ABLIM1: variants seen among roughly 807,000 people sequenced by gnomAD.
ABLIM1 encodes actin binding LIM protein 1, also known as actin-binding LIM protein 1.
Under a neutral mutation model 107.0 loss-of-function variants are expected in ABLIM1, and 40 were observed. The observed-to-expected ratio is 0.37, with a 90% CI of 0.29 to 0.49. The LOEUF is 0.49. Ranked by LOEUF, ABLIM1 falls within the 20% of genes least tolerant of loss-of-function variation. The pLI, the probability that ABLIM1 is intolerant of heterozygous loss-of-function variation, is 0.97. For missense variants in ABLIM1, 857 were observed against 1,008.5 expected, an observed-to-expected ratio of 0.85 and a Z score of 2.04; for synonymous variants, 357 against 357.3, an observed-to-expected ratio of 1.00 and a Z score of 0.01.
intron 7 of ABLIM1, among the ~76,000 whole-genome samples, chr10:114,488,647 T>G (rs1295052958): frequency 6.6e-6 from 1 of 152,204 alleles, no homozygotes; most frequent in African/African-American, 2.4e-5. Flanking sequence ...AAGTAACTAT[T>G]TAGGTGTTAT....
At chr10:114,476,187 G>A (rs2056364018) in intron 8 of ABLIM1, among the ~76,000 whole-genome samples, 1 of 152,200 alleles carries the variant, frequency 6.6e-6, no homozygotes, top group African/African-American at 2.4e-5. Flanking sequence ...CCACACCCAG[G>A]TGGAGGTGCA....
intron 1 of ABLIM1, among the ~76,000 whole-genome samples, chr10:114,650,065 C>T (rs2079175873): frequency 6.6e-6 from 1 of 152,122 alleles, no homozygotes; most frequent in Non-Finnish European, 1.5e-5. Flanking sequence ...CTATGTTGGC[C>T]AGGCTGGTCT....
chr10:114,717,460 G>T (rs74158043), intron 1 of ABLIM1, among the ~76,000 whole-genome samples: 8,132 of 152,144 alleles, frequency 0.053, 336 homozygotes, highest in African/African-American at 0.11. Context: ...GTGCTATCAT[G>T]CACATTGTAG....
intron 1 of ABLIM1, among the ~76,000 whole-genome samples, chr10:114,620,098 G>A (rs1566114940): frequency 6.6e-6 from 1 of 152,186 alleles, no homozygotes; most frequent in Non-Finnish European, 1.5e-5. Flanking sequence ...TAATTAGTTA[G>A]TGTAGAGGGT....
intron 1 of ABLIM1, among the ~76,000 whole-genome samples, chr10:114,712,340 G>A (rs808252): frequency 0.062 from 7,524 of 121,844 alleles, 274 homozygotes; most frequent in Middle Eastern, 0.1. Context: ...GTGACAGAGC[G>A]AGACTCCGTC....
chr10:114,659,247 G>A (rs776388643), upstream of ABLIM1, among the ~76,000 whole-genome samples: 23 of 151,868 alleles, frequency 1.5e-4, no homozygotes, highest in African/African-American at 2.2e-4. Context: ...GGTTGCTCAC[G>A]TCTGTAATCC....
At chr10:114,469,594 G>A (rs141036701) in intron 10 of ABLIM1, among the ~76,000 whole-genome samples, 144 of 152,324 alleles carry the variant, frequency 9.5e-4, no homozygotes, top group African/African-American at 3.2e-3. Flanking sequence ...CCCCTGGTAC[G>A]CTTTCTCTTT....
chr10:114,760,443 CACACACACACTG>C (rs2082722156), intron 1 of ABLIM1, among the ~76,000 whole-genome samples: 1 of 131,350 alleles, frequency 7.6e-6, no homozygotes, highest in African/African-American at 3.0e-5. Context: ...CACACACACA[CACACACACACTG>C]ACTTAGTGCT....
At chr10:114,652,678 A>G (rs2079306495) in intron 1 of ABLIM1, among the ~76,000 whole-genome samples, 1 of 152,248 alleles carries the variant, frequency 6.6e-6, no homozygotes, top group Non-Finnish European at 1.5e-5. Context: ...ATAATCACTG[A>G]ATCCTCTCCA....
intron 1 of ABLIM1, among the ~76,000 whole-genome samples, chr10:114,665,211 C>T (rs1481603825): frequency 6.6e-6 from 1 of 152,144 alleles, no homozygotes; most frequent in Non-Finnish European, 1.5e-5. Context: ...CCAATGATGA[C>T]ATGCACACAC....
intron 4 of ABLIM1, among the ~76,000 whole-genome samples, chr10:114,556,042 GT>G (rs1310852909): frequency 6.6e-6 from 1 of 151,870 alleles, no homozygotes; most frequent in African/African-American, 2.4e-5. Context: ...ACAGTACTTT[GT>G]CCCTGGCCAG....
intron 1 of ABLIM1, among the ~76,000 whole-genome samples, chr10:114,606,162 A>T (rs1400715248): frequency 6.6e-6 from 1 of 152,200 alleles, no homozygotes; most frequent in African/African-American, 2.4e-5. Flanking sequence ...CATCTGGGAA[A>T]GCGTATTTGA....
chr10:114,459,410 T>C (rs1394543833), intron 12 of ABLIM1, among the ~76,000 whole-genome samples: 1 of 152,246 alleles, frequency 6.6e-6, no homozygotes, highest in Non-Finnish European at 1.5e-5. Context: ...CATTCAGAAA[T>C]TTCTAAGTGC....
intron 1 of ABLIM1, among the ~76,000 whole-genome samples, chr10:114,626,320 C>G (rs2077795410): frequency 6.6e-6 from 1 of 152,160 alleles, no homozygotes; most frequent in Non-Finnish European, 1.5e-5. Flanking sequence ...TGTTGGCTTC[C>G]CTGTTGATGC....
At chr10:114,601,578 G>A in intron 2 of ABLIM1, 1 of 591,638 alleles carries the variant, frequency 1.7e-6, no homozygotes, top group African/African-American at 1.8e-5. Flanking sequence ...CGTTCTCAGT[G>A]TTAGTCCCTT....
intron 1 of ABLIM1, among the ~76,000 whole-genome samples, chr10:114,736,915 G>A (rs977087496): frequency 2.0e-5 from 3 of 152,238 alleles, no homozygotes; most frequent in African/African-American, 7.2e-5. Flanking sequence ...TTGGCCCAGC[G>A]CGGTGGCTCA....
In ABLIM1 at chr10:114,667,990, G is replaced by A. The variant is rs528909414; in HGVS notation, c.64+16300C>T. 6.6e-5 allele frequency among the ~76,000 whole-genome samples: 10 copies of A among 152,222 alleles called. No homozygotes were observed. The South Asian group carries it at 1.4e-3, about 22-fold the overall frequency. On this transcript the variant is annotated intron_variant, in intron 1 of 23. Coordinates refer to the ABLIM1 transcript ENST00000369256. ...CAATGTCTACCTTTGGAGCCCCAAA[G>A]CATGCCAGTGTTGACACCATGTCAT...
At chr10:114,573,640 G>A (rs1565976667) in intron 3 of ABLIM1, among the ~76,000 whole-genome samples, 1 of 152,178 alleles carries the variant, frequency 6.6e-6, no homozygotes, top group Non-Finnish European at 1.5e-5. Context: ...GGTTTTGGGG[G>A]AAAATAGGCT....
At chr10:114,460,208 GCCCCTGGACAGTTAC>G (rs2063579361) in intron 12 of ABLIM1, among the ~76,000 whole-genome samples, 2 of 152,216 alleles carry the variant, frequency 1.3e-5, no homozygotes, top group Admixed American at 6.5e-5. Context: ...CTAGTGGTGA[GCCCCTGGACAGTTAC>G]TTAGCCAGGG....
Sources: gnomAD v4.1 joint callset for allele counts (sites outside exome capture counted in the v4.1 genomes callset) on GRCh38, gnomAD v4.1.1 for gene constraint, MANE v1.5 for transcripts, NCBI Gene and HGNC (gene_info 2026-07-23, HGNC 2026-07-21) for gene names.